CLTC: variants seen among roughly 807,000 people sequenced by gnomAD.
CLTC encodes clathrin heavy chain.
A neutral mutation model predicts 195.8 loss-of-function variants in CLTC; 16 were observed. The observed-to-expected ratio is 0.08, with a 90% CI of 0.06 to 0.12. The LOEUF (loss-of-function observed/expected upper bound fraction) is 0.12, where lower values mean the gene tolerates loss of function less well. CLTC is among the 10% of genes least tolerant of loss of function. The probability of loss-of-function intolerance (pLI) is 1.00; values close to 1 mark genes in which losing one functional copy is unlikely to be tolerated. For synonymous variants in CLTC, 667 were observed against 689.4 expected (o/e 0.97, Z 0.51); for missense variants, 796 against 2,027.0 (o/e 0.39, Z 11.66).
chr17:59,634,715 A>C (rs763674905), intron 1 of CLTC, among the ~76,000 whole-genome samples: 1 of 152,366 alleles, frequency 6.6e-6, no homozygotes, highest in Non-Finnish European at 1.5e-5. Flanking sequence ...GCAAGGGTTA[A>C]AGGCATTTTT....
chr17:59,650,522 C>G (rs2032303614), intron 4 of CLTC, among the ~76,000 whole-genome samples: 1 of 125,420 alleles, frequency 8.0e-6, no homozygotes, highest in Non-Finnish European at 1.6e-5. Context: ...GAGTCTTGCT[C>G]TGTTGCCCAG....
In CLTC at chr17:59,668,832, C is replaced by T; in HGVS notation, c.2184C>T (p.His728=). The T allele has an allele frequency of 6.2e-7, 1 of 1,613,562 alleles. No individual in the cohort carries two copies. The change falls in exon 14 of 32, where the codon CAC becomes CAT. Residue 728 remains histidine, a synonymous_variant. Coordinates refer to ENST00000269122, the MANE Select transcript of CLTC (RefSeq NM_004859.4). ...IVNFSQDPDV[H]FKYIQAACKT... ...ACTTTAGCCAGGACCCAGATGTGCA[C>T]TTTAAATATATTCAGGCAGCTTGCA...
Position 59,648,947 on chromosome 17 carries a change from G to A in CLTC, c.681+546G>A, listed in dbSNP as rs550119519. On this transcript the variant is annotated intron_variant, in intron 4 of 31. Coordinates refer to ENST00000269122, the MANE Select transcript of CLTC (RefSeq NM_004859.4). This position sits in a 1 kb window ranked among gnomAD's most constrained non-coding sequence, Gnocchi z 4.5. ...TGGGTCCAAGTGATCCTCCCGCCTT[G>A]GTCTCCCAATATAATCTGCATTTTA... is the stretch of plus-strand genomic sequence containing the variant. Among the ~76,000 whole-genome samples, 6 of 152,142 alleles carry A rather than the reference G, an allele frequency of 3.9e-5. No homozygotes were observed. The South Asian group carries it at 1.2e-3, about 31-fold the overall frequency.
chr17:59,678,817 A>G (rs2033020305), intron 17 of CLTC, among the ~76,000 whole-genome samples: 1 of 150,344 alleles, frequency 6.7e-6, no homozygotes, highest in South Asian at 2.1e-4. Context: ...CCTGGGCAAC[A>G]TAGCGAGCCC....
intron 1 of CLTC, among the ~76,000 whole-genome samples, chr17:59,640,193 C>G (rs1420197013): frequency 1.3e-5 from 2 of 152,120 alleles, no homozygotes; most frequent in Admixed American, 6.5e-5. Flanking sequence ...ACCAGACTTG[C>G]AGTTAATAAG....
intron 31 of CLTC, among the ~76,000 whole-genome samples, chr17:59,693,277 GA>G (rs796549027): frequency 2.6e-5 from 4 of 151,456 alleles, no homozygotes; most frequent in African/African-American, 9.7e-5. Flanking sequence ...TGAGGCACGA[GA>G]ATCACTTGAA....
intron 1 of CLTC, among the ~76,000 whole-genome samples, chr17:59,642,821 C>T (rs2032076914): frequency 6.6e-6 from 1 of 152,138 alleles, no homozygotes; most frequent in East Asian, 1.9e-4. Flanking sequence ...ACTGTAACTA[C>T]ACTTTATAAC....
At chr17:59,654,398 G>A (rs1457126606) in intron 5 of CLTC, among the ~76,000 whole-genome samples, 5 of 151,228 alleles carry the variant, frequency 3.3e-5, no homozygotes, top group Non-Finnish European at 5.9e-5. Flanking sequence ...GGCTGGTCTC[G>A]AACTCCTGAC....
intron 6 of CLTC, among the ~76,000 whole-genome samples, chr17:59,656,666 A>ATTTTTTTTT (rs55669818): frequency 9.6e-4 from 92 of 96,228 alleles, no homozygotes; most frequent in Non-Finnish European, 1.0e-3. Context: ...TATTATTTTA[A>ATTTTTTTTT]TTTTTTTTTT....
intron 31 of CLTC, among the ~76,000 whole-genome samples, chr17:59,692,614 T>A (rs2033330847): frequency 6.6e-6 from 1 of 152,154 alleles, no homozygotes; most frequent in Non-Finnish European, 1.5e-5. Context: ...CTAATGTATT[T>A]CATACCTAAA....
chr17:59,664,050 A>T, intron 9 of CLTC, 56 bp downstream of exon 9: 1 of 1,410,936 alleles, frequency 7.1e-7, no homozygotes. Context: ...TGACAGAGAA[A>T]TTAGCCTGTA....
chr17:59,647,501 G>A lies in CLTC; in HGVS notation c.354G>A (p.Thr118=), dbSNP rs1267349876. The part of the protein sequence containing the change: ...VTFWKWISLN[T]VALVTDNAVY... ...TTTGGAAATGGATCTCTTTGAATAC[G>A]GTTGCTCTTGTTACGGATAATGCAG... Residue 118 remains threonine, a synonymous_variant, in exon 3 of 32, where the codon ACG becomes ACA. Transcript: ENST00000269122. 9.3e-6 allele frequency: 15 copies of A among 1,613,942 alleles called. No homozygotes were observed. The highest frequency in any genetic ancestry group is 1.3e-5 in the Non-Finnish European group (15 of 1,179,986).
At chr17:59,641,973 C>T (rs900691477) in intron 1 of CLTC, among the ~76,000 whole-genome samples, 24 of 149,988 alleles carry the variant, frequency 1.6e-4, no homozygotes, top group Non-Finnish European at 3.4e-4. Flanking sequence ...TAGGTGTGAA[C>T]CAAGGTGCCA....
intron 30 of CLTC, chr17:59,689,020 G>A (rs2033241723): frequency 6.6e-6 from 1 of 152,022 alleles, no homozygotes; most frequent in Non-Finnish European, 1.5e-5. Context: ...TCTAAGTGTG[G>A]ATGCCAAAAA....
At chr17:59,636,774 C>A (rs1163854491) in intron 1 of CLTC, among the ~76,000 whole-genome samples, 1 of 150,696 alleles carries the variant, frequency 6.6e-6, no homozygotes, top group East Asian at 2.0e-4. Flanking sequence ...CTTTCTTTTT[C>A]TTTTTGAGAT....
intron 17 of CLTC, among the ~76,000 whole-genome samples, chr17:59,678,373 T>G (rs966791122): frequency 1.4e-4 from 21 of 148,398 alleles, no homozygotes; most frequent in African/African-American, 5.1e-4. Flanking sequence ...TAGCATCTGT[T>G]GATTCTTGCT....
intron 1 of CLTC, among the ~76,000 whole-genome samples, chr17:59,633,030 GTCATTTTAA>G (rs796247102): frequency 6.5e-5 from 2 of 30,732 alleles, no homozygotes; most frequent in African/African-American, 1.0e-4. Context: ...CATGGTGGTT[GTCATTTTAA>G]TCATTTTAAT....
rs558273362 is a variant in CLTC at position 59,690,525 on chromosome 17, T to C, written c.4828-111T>C. ...GGGGGACTGAGAATGTTCTTTCTAG[T>C]CTGTTTTATTTTGACAGAATTTAAC... is the stretch of plus-strand genomic sequence containing the variant. On this transcript the variant is annotated intron_variant, in intron 30 of 31. Transcript: ENST00000269122. 2.2e-4 allele frequency: 150 copies of C among 686,160 alleles called. 1 individual carries two copies. The South Asian group carries it at 2.8e-3, about 13-fold the overall frequency. 42.5% of individuals were successfully genotyped at this position (686,160 alleles called of 1,614,324 possible).
At chr17:59,639,841 G>A (rs1410776498) in intron 1 of CLTC, among the ~76,000 whole-genome samples, 2 of 151,208 alleles carry the variant, frequency 1.3e-5, no homozygotes, top group Non-Finnish European at 2.9e-5. Context: ...GGTGGCGCCT[G>A]TAGTCTCAGG....
Sources: allele counts gnomAD v4.1 joint callset (sites outside exome capture counted in the v4.1 genomes callset), GRCh38; gene constraint gnomAD v4.1.1; non-coding constraint Gnocchi (gnomAD v3.1); transcripts MANE v1.5; gene names NCBI Gene and HGNC (gene_info 2026-07-23, HGNC 2026-07-21).